Variants in GRM7 observed in about 807,000 individuals in gnomAD.
The protein encoded by GRM7 is glutamate metabotropic receptor 7, also known as metabotropic glutamate receptor 7.
Under a neutral mutation model 84.5 loss-of-function variants are expected in GRM7, and 35 were observed. The observed-to-expected ratio is 0.41, with a 90% CI of 0.32 to 0.55. The LOEUF is 0.55. Among genes scored for constraint, GRM7 ranks in the 20% least tolerant of loss-of-function variants. GRM7 has a pLI of 0.19. For missense variants in GRM7, 1,003 were observed against 1,194.6 expected, an observed-to-expected ratio of 0.84 and a Z score of 2.36; for synonymous variants, 487 against 455.1, an observed-to-expected ratio of 1.07 and a Z score of -0.89.
chr3:7,235,550 C>A (rs1306069024), intron 2 of GRM7, among the ~76,000 whole-genome samples: 3 of 152,188 alleles, frequency 2.0e-5, no homozygotes, highest in African/African-American at 4.8e-5. Flanking sequence ...TACTCCAACA[C>A]CTCCTGACGA....
Position 7,158,212 on chromosome 3 carries a change from T to A in GRM7, c.736+11544T>A, listed in dbSNP as rs187478134. ...CAAACGTAGGTAAGGGTTACTATTC[T>A]GTCATAAAACAAACTTCCACAAGTA... On this transcript the variant is annotated intron_variant, in intron 2 of 9. Transcript: ENST00000357716. 2.0e-3 allele frequency among the ~76,000 whole-genome samples: 302 copies of A among 150,352 alleles called. 1 individual carries two copies. Among genetic ancestry groups the A allele is most frequent in the African/African-American group, 7.3e-3 (290 of 39,680 alleles).
At chr3:7,574,861 C>T (rs1045539692) in intron 7 of GRM7, among the ~76,000 whole-genome samples, 1 of 152,148 alleles carries the variant, frequency 6.6e-6, no homozygotes, top group African/African-American at 2.4e-5. Flanking sequence ...TCTTAATTTT[C>T]CTTGGGTGTG....
chr3:7,405,572 A>G (rs948488594), intron 4 of GRM7, among the ~76,000 whole-genome samples: 2 of 152,190 alleles, frequency 1.3e-5, no homozygotes, highest in African/African-American at 4.8e-5. Context: ...ATAGTTATAA[A>G]TAATAGATTT....
At chr3:7,616,234 C>G (rs1470919757) in intron 8 of GRM7, among the ~76,000 whole-genome samples, 1 of 152,146 alleles carries the variant, frequency 6.6e-6, no homozygotes, top group African/African-American at 2.4e-5. Flanking sequence ...ATTTTTGAAG[C>G]TTCTTAAATG....
intron 1 of GRM7, among the ~76,000 whole-genome samples, chr3:7,071,602 A>T (rs1174604226): frequency 6.6e-6 from 1 of 152,242 alleles, no homozygotes; most frequent in East Asian, 1.9e-4. Context: ...GGATAGAAAG[A>T]TGTGTCACCA....
chr3:7,664,882 C>CTT (rs753331682), intron 8 of GRM7, among the ~76,000 whole-genome samples: 4,896 of 137,910 alleles, frequency 0.036, 103 homozygotes, highest in Middle Eastern at 0.086. Flanking sequence ...CTCTTGATCT[C>CTT]AAATTAGTAA....
chr3:7,035,978 A>G (rs932911158), intron 1 of GRM7, among the ~76,000 whole-genome samples: 1 of 152,192 alleles, frequency 6.6e-6, no homozygotes, highest in Admixed American at 6.5e-5. Flanking sequence ...TTTGTTTATT[A>G]TTGACAACAA....
intron 2 of GRM7, among the ~76,000 whole-genome samples, chr3:7,192,094 G>A (rs949101198): frequency 6.6e-6 from 1 of 152,042 alleles, no homozygotes; most frequent in Non-Finnish European, 1.5e-5. Flanking sequence ...ATTGTAATGC[G>A]AGCTAAGGCT....
At chr3:7,637,770 C>G (rs1698166949) in intron 8 of GRM7, among the ~76,000 whole-genome samples, 1 of 152,180 alleles carries the variant, frequency 6.6e-6, no homozygotes, top group Non-Finnish European at 1.5e-5. Context: ...GCAAGAATGA[C>G]AGCAACAGCT....
intron 8 of GRM7, among the ~76,000 whole-genome samples, chr3:7,658,191 C>A (rs745744191): frequency 5.3e-5 from 8 of 152,136 alleles, no homozygotes; most frequent in Non-Finnish European, 1.0e-4. Flanking sequence ...TTTGAAGCAT[C>A]AAGTCTTGAT....
chr3:7,469,704 G>A (rs969844661), intron 7 of GRM7, among the ~76,000 whole-genome samples: 3 of 152,158 alleles, frequency 2.0e-5, no homozygotes, highest in Admixed American at 1.3e-4. Flanking sequence ...AGGTCTCTCT[G>A]AAAAGATGGC....
intron 7 of GRM7, among the ~76,000 whole-genome samples, chr3:7,541,269 C>A (rs1282509532): frequency 6.6e-6 from 1 of 151,954 alleles, no homozygotes; most frequent in African/African-American, 2.4e-5. Context: ...CCAGAAATTA[C>A]ATATTATTCA....
At chr3:6,956,679 C>A (rs1321462051) in intron 1 of GRM7, 2 of 454,572 alleles carry the variant, frequency 4.4e-6, no homozygotes, top group Non-Finnish European at 8.8e-6. Flanking sequence ...TCACATGAAT[C>A]TCTCGCAACT....
chr3:7,553,839 C>T (rs2125028634), intron 7 of GRM7, among the ~76,000 whole-genome samples: 3 of 152,306 alleles, frequency 2.0e-5, no homozygotes, highest in Admixed American at 2.0e-4. Context: ...AATGGGGACA[C>T]AAAGCCTAAC....
intron 2 of GRM7, among the ~76,000 whole-genome samples, chr3:7,191,886 A>G (rs1427635705): frequency 1.3e-5 from 2 of 152,040 alleles, no homozygotes; most frequent in Non-Finnish European, 2.9e-5. Flanking sequence ...TTTAAAAATA[A>G]ATTTTATAAA....
chr3:7,270,106 G>A (rs1326445022), intron 2 of GRM7, among the ~76,000 whole-genome samples: 1 of 152,238 alleles, frequency 6.6e-6, no homozygotes, highest in Non-Finnish European at 1.5e-5. Context: ...TTTCTAAGAT[G>A]TTCTCTTGGG....
chr3:7,112,954 T>C (rs968769281), intron 1 of GRM7, among the ~76,000 whole-genome samples: 1 of 152,074 alleles, frequency 6.6e-6, no homozygotes, highest in Non-Finnish European at 1.5e-5. Flanking sequence ...GAAACAAAAC[T>C]GAGTTGGTTC....
rs1331525778 is a variant in GRM7 at position 7,579,303 on chromosome 3, A to C, written c.2397A>C (p.Ile799=). 1 of 1,597,384 alleles carries C rather than the reference A, an allele frequency of 6.3e-7. No homozygotes were observed. The highest frequency in any genetic ancestry group is 1.1e-5 in the South Asian group (1 of 88,506). ...GATTCACTATGTACACGACATGTAT[A>C]GTATGGCTTGCCTTCATTCCAATTT... ...PIGFTMYTTC[I]VWLAFIPIFF... is the part of the protein sequence containing the mutation. Residue 799 remains isoleucine, a synonymous_variant, in exon 8 of 10, where the codon ATA becomes ATC. Transcript: ENST00000357716.
chr3:7,125,816 T>G (rs1373767059), intron 1 of GRM7, among the ~76,000 whole-genome samples: 1 of 152,212 alleles, frequency 6.6e-6, no homozygotes, highest in Non-Finnish European at 1.5e-5. Context: ...TTTTCTGATG[T>G]AGTTGCTGTC....
Sources: allele counts gnomAD v4.1 joint callset (sites outside exome capture counted in the v4.1 genomes callset), GRCh38; gene constraint gnomAD v4.1.1; transcripts MANE v1.5; gene names NCBI Gene and HGNC (gene_info 2026-07-23, HGNC 2026-07-21).